The following TRPM3 variants were observed in gnomAD, a reference collection of about 807,000 sequenced individuals.
The protein encoded by TRPM3 is long transient receptor potential channel 3.
TRPM3 carries 77 observed loss-of-function variants against 181.2 expected under a neutral mutation model. The observed-to-expected ratio is 0.42, with a 90% CI of 0.35 to 0.51. The LOEUF is 0.51. Ranked by LOEUF, TRPM3 falls within the 20% of genes least tolerant of loss-of-function variation. The probability of loss-of-function intolerance (pLI) is 0.01; values close to 1 mark genes in which losing one functional copy is unlikely to be tolerated. For missense variants in TRPM3, 1,759 were observed against 2,196.7 expected (o/e 0.80, Z 3.98); for synonymous variants, 745 against 796.4 (o/e 0.94, Z 1.09).
intron 6 of TRPM3, among the ~76,000 whole-genome samples, chr9:70,797,615 G>C (rs1281426833): frequency 6.6e-6 from 1 of 152,126 alleles, no homozygotes; most frequent in Non-Finnish European, 1.5e-5. Flanking sequence ...CTTTCCTTCA[G>C]CCACACCAAT....
intron 4 of TRPM3, among the ~76,000 whole-genome samples, 187 bp downstream of exon 4, chr9:70,846,191 C>T (rs887483818): frequency 2.0e-5 from 3 of 152,148 alleles, no homozygotes; most frequent in African/African-American, 7.2e-5. Flanking sequence ...GTAAGTAATT[C>T]TTCTTGGTTA....
intron 6 of TRPM3, among the ~76,000 whole-genome samples, chr9:70,785,113 C>G (rs1245154443): frequency 6.6e-6 from 1 of 152,090 alleles, no homozygotes; most frequent in Admixed American, 6.6e-5. Flanking sequence ...GCCATTATTG[C>G]ATCTGCCACT....
At chr9:70,923,715 G>T (rs1447261007) in intron 1 of TRPM3, among the ~76,000 whole-genome samples, 1 of 151,230 alleles carries the variant, frequency 6.6e-6, no homozygotes, top group Non-Finnish European at 1.5e-5. Flanking sequence ...TACTCTGAAA[G>T]CTGTCCATTT....
chr9:71,025,877 G>C (rs1481347011), intron 1 of TRPM3, among the ~76,000 whole-genome samples: 2 of 152,168 alleles, frequency 1.3e-5, no homozygotes, highest in Non-Finnish European at 2.9e-5. Context: ...GCAGATGAAG[G>C]GAAGACATAG....
chr9:71,097,488 G>A (rs1018134477), intron 1 of TRPM3, among the ~76,000 whole-genome samples: 1 of 151,478 alleles, frequency 6.6e-6, no homozygotes, highest in African/African-American at 2.4e-5. Flanking sequence ...TAGTTTAAAG[G>A]TTCTTCCAAA....
At chr9:71,058,369 G>C (rs2060908601) in intron 1 of TRPM3, among the ~76,000 whole-genome samples, 1 of 152,018 alleles carries the variant, frequency 6.6e-6, no homozygotes, top group African/African-American at 2.4e-5. Context: ...CCAAACCAGG[G>C]ACGGAGACTG....
intron 1 of TRPM3, among the ~76,000 whole-genome samples, chr9:71,130,007 T>C (rs917222232): frequency 1.3e-5 from 2 of 152,352 alleles, no homozygotes; most frequent in South Asian, 2.1e-4. Context: ...GAAAAAGGGA[T>C]GTTTCTAAAT....
intron 8 of TRPM3, among the ~76,000 whole-genome samples, chr9:70,700,286 G>T (rs1174462934): frequency 7.9e-5 from 12 of 152,104 alleles, no homozygotes; most frequent in African/African-American, 2.7e-4. Flanking sequence ...TCTGGCCAAG[G>T]GCTGCTCTTA....
intron 1 of TRPM3, among the ~76,000 whole-genome samples, chr9:71,138,061 C>A (rs2074874078): frequency 6.6e-6 from 1 of 151,836 alleles, no homozygotes; most frequent in South Asian, 2.1e-4. Flanking sequence ...TTGGAGTGAG[C>A]CGAGATCTTG....
chr9:71,042,177 C>T (rs896183528), intron 1 of TRPM3, among the ~76,000 whole-genome samples: 5 of 151,412 alleles, frequency 3.3e-5, no homozygotes, highest in African/African-American at 1.2e-4. Flanking sequence ...AAAGTATGTA[C>T]CTTAGAATAT....
At chr9:70,936,948 C>A (rs1221284880) in intron 1 of TRPM3, among the ~76,000 whole-genome samples, 1 of 152,142 alleles carries the variant, frequency 6.6e-6, no homozygotes, top group African/African-American at 2.4e-5. Context: ...AGCTTATCAC[C>A]AATTTTTAAT....
rs370331277 is a variant in TRPM3 at position 70,740,440 on chromosome 9, G to T, written c.1272+21161C>A. On this transcript the variant is annotated intron_variant, in intron 8 of 25. Transcript: ENST00000677713. ...CTAAAAATTCAATGCAATTCCCATTGCATACCACCATCATTCTTCACAGAC... is the reference window on the plus strand; with the variant it reads ...CTAAAAATTCAATGCAATTCCCATTTCATACCACCATCATTCTTCACAGAC... Among the ~76,000 whole-genome samples, 23 of 151,992 alleles carry T rather than the reference G, an allele frequency of 1.5e-4. No individual in the cohort carries two copies. The South Asian group carries it at 4.8e-3, about 32-fold the overall frequency.
intron 1 of TRPM3, among the ~76,000 whole-genome samples, chr9:71,411,009 T>C (rs2093537885): frequency 6.6e-6 from 1 of 152,204 alleles, no homozygotes; most frequent in South Asian, 2.1e-4. Context: ...AACCACATGA[T>C]TATCTCAATA....
At chr9:70,792,339 G>C (rs775722927) in intron 6 of TRPM3, among the ~76,000 whole-genome samples, 2 of 151,980 alleles carry the variant, frequency 1.3e-5, no homozygotes, top group Admixed American at 1.3e-4. Context: ...AGGAAGGTAA[G>C]CCAATGAACA....
chr9:71,388,669 A>G (rs2092987427), intron 1 of TRPM3, among the ~76,000 whole-genome samples: 1 of 152,134 alleles, frequency 6.6e-6, no homozygotes, highest in Non-Finnish European at 1.5e-5. Context: ...TAGCCTCTCA[A>G]TTCTTTAACA....
At chr9:70,563,538 C>T (rs2049706702) in intron 22 of TRPM3, among the ~76,000 whole-genome samples, 1 of 152,154 alleles carries the variant, frequency 6.6e-6, no homozygotes, top group Admixed American at 6.5e-5. Context: ...CCACCATTGA[C>T]CAAGAAGGAG....
At chr9:71,227,870 G>A (rs2080787139) in intron 1 of TRPM3, among the ~76,000 whole-genome samples, 1 of 152,026 alleles carries the variant, frequency 6.6e-6, no homozygotes, top group Non-Finnish European at 1.5e-5. Context: ...GTAAAGCCTG[G>A]GACCCGATGA....
At chr9:71,328,239 C>CT (rs1464800699) in intron 1 of TRPM3, among the ~76,000 whole-genome samples, 1 of 152,172 alleles carries the variant, frequency 6.6e-6, no homozygotes, top group African/African-American at 2.4e-5. Context: ...TCTCAGCTCA[C>CT]TGCAAGCTCC....
intron 1 of TRPM3, among the ~76,000 whole-genome samples, chr9:70,911,955 A>T (rs1297007431): frequency 2.0e-5 from 3 of 152,136 alleles, no homozygotes; most frequent in African/African-American, 7.2e-5. Context: ...CTTGACCTGG[A>T]TAAAGAGTGG....
Sources: allele counts gnomAD v4.1 joint callset (sites outside exome capture counted in the v4.1 genomes callset), GRCh38; gene constraint gnomAD v4.1.1; transcripts MANE v1.5; gene names NCBI Gene and HGNC (gene_info 2026-07-23, HGNC 2026-07-21).